The following C4orf51 variants were observed in gnomAD, a reference collection of about 807,000 sequenced individuals.
C4orf51 encodes the protein uncharacterized protein C4orf51.
Under a neutral mutation model 25.2 loss-of-function variants are expected in C4orf51, and 25 were observed. The observed-to-expected ratio is 0.99, with a 90% confidence interval of 0.72 to 1.39. The LOEUF is 1.39. C4orf51 is among the 40% of genes most tolerant of loss of function. The probability of loss-of-function intolerance (pLI) is 0.00; values close to 1 mark genes in which losing one functional copy is unlikely to be tolerated. For missense variants in C4orf51, 252 were observed against 239.6 expected, an observed-to-expected ratio of 1.05 and a Z score of -0.34; for synonymous variants, 100 against 84.5, an observed-to-expected ratio of 1.18 and a Z score of -1.01.
intron 1 of C4orf51, among the ~76,000 whole-genome samples, chr4:145,693,562 G>A (rs1431077596): frequency 4.0e-5 from 6 of 151,414 alleles, no homozygotes; most frequent in African/African-American, 1.5e-4. Flanking sequence ...CCTCCCAGAT[G>A]GGGTGGTGGC....
chr4:145,720,473 C>G (rs58720965), intron 2 of C4orf51, among the ~76,000 whole-genome samples: 6,658 of 152,254 alleles, frequency 0.044, 429 homozygotes, highest in African/African-American at 0.14. Context: ...TAAGACTCTC[C>G]TTCTGTGAGT....
chr4:145,766,548 G>C (rs1735326474), intron 1 of C4orf51, among the ~76,000 whole-genome samples: 1 of 152,224 alleles, frequency 6.6e-6, no homozygotes, highest in African/African-American at 2.4e-5. Context: ...CAGACTCCGA[G>C]TGGCGGATAC....
downstream of C4orf51, among the ~76,000 whole-genome samples, chr4:145,773,753 G>A (rs774603907): frequency 1.4e-4 from 22 of 152,216 alleles, no homozygotes; most frequent in Non-Finnish European, 2.9e-4. Flanking sequence ...ACAGTGATGG[G>A]TTTGTTTCAG....
chr4:145,680,644 A>G (rs1015481102), intron 1 of C4orf51, among the ~76,000 whole-genome samples: 8 of 152,212 alleles, frequency 5.3e-5, no homozygotes, highest in Admixed American at 2.6e-4. Context: ...TCCTAAAATT[A>G]CATATAACTA....
downstream of C4orf51, among the ~76,000 whole-genome samples, chr4:145,756,922 G>A (rs1426193518): frequency 2.0e-5 from 3 of 152,152 alleles, no homozygotes; most frequent in Admixed American, 1.3e-4. Flanking sequence ...ACAATTGCTT[G>A]AAATAAGCAA....
At chr4:145,755,381 A>C (rs948277275), downstream of C4orf51, among the ~76,000 whole-genome samples, 2 of 152,244 alleles carry the variant, frequency 1.3e-5, no homozygotes, top group South Asian at 2.1e-4. Flanking sequence ...TGAAGTGTGA[A>C]TTGAAGCAGA....
chr4:145,693,702 CGGACGGGGGGCT>C (rs1560824099), intron 1 of C4orf51, among the ~76,000 whole-genome samples: 1 of 76,704 alleles, frequency 1.3e-5, no homozygotes, highest in Non-Finnish European at 2.5e-5. Flanking sequence ...GGCGGCTGGC[CGGACGGGGGGCT>C]GACCCCCCCA....
At chr4:145,775,116 AC>A (rs1366633021), downstream of C4orf51, among the ~76,000 whole-genome samples, 1 of 152,094 alleles carries the variant, frequency 6.6e-6, no homozygotes, top group East Asian at 1.9e-4. Context: ...CAATGAAAGC[AC>A]CTACAGTTTG....
chr4:145,728,600 A>G (rs1732247515), intron 3 of C4orf51, among the ~76,000 whole-genome samples: 1 of 152,204 alleles, frequency 6.6e-6, no homozygotes, highest in South Asian at 2.1e-4. Context: ...TGATCAATAT[A>G]TAATTTTGTT....
intron 3 of C4orf51, among the ~76,000 whole-genome samples, chr4:145,728,786 T>G (rs1732256485): frequency 6.6e-6 from 1 of 152,224 alleles, no homozygotes; most frequent in Admixed American, 6.5e-5. Flanking sequence ...TATATTTCCT[T>G]TATCCATTTT....
chr4:145,787,973 G>A, the C4orf51 span, among the ~76,000 whole-genome samples: 2 of 152,148 alleles, frequency 1.3e-5, no homozygotes, highest in East Asian at 1.9e-4. Flanking sequence ...TTTCAAAGTT[G>A]CTGTTTTACA....
At chr4:145,719,008 G>A (rs985727405) in intron 2 of C4orf51, among the ~76,000 whole-genome samples, 1 of 152,138 alleles carries the variant, frequency 6.6e-6, no homozygotes, top group African/African-American at 2.4e-5. Context: ...CTTGATGCCT[G>A]CTTTGCTTTC....
At chr4:145,732,974 ACCGCCAGGTTTTCCT>A (rs1732570201), downstream of C4orf51, among the ~76,000 whole-genome samples, 1 of 152,120 alleles carries the variant, frequency 6.6e-6, no homozygotes, top group Non-Finnish European at 1.5e-5. Flanking sequence ...GGAGCCTTCC[ACCGCCAGGTTTTCCT>A]CCGCGCAAGG....
At chr4:145,704,295 A>T (rs934136459) in intron 2 of C4orf51, among the ~76,000 whole-genome samples, 2 of 152,206 alleles carry the variant, frequency 1.3e-5, no homozygotes, top group Non-Finnish European at 2.9e-5. Context: ...CCTCTCCTGG[A>T]TCTGGGAGAA....
intron 2 of C4orf51, among the ~76,000 whole-genome samples, chr4:145,697,527 C>T (rs1440523466): frequency 6.6e-6 from 1 of 152,186 alleles, no homozygotes; most frequent in African/African-American, 2.4e-5. Context: ...TTTATCTTAC[C>T]TCACACCTCC....
the C4orf51 span, among the ~76,000 whole-genome samples, chr4:145,776,484 G>C: frequency 6.8e-6 from 1 of 147,338 alleles, no homozygotes. Flanking sequence ...AAAAAAAAAA[G>C]TCCCAGGGCA....
intron 1 of C4orf51, chr4:145,760,736 T>G: frequency 7.1e-6 from 7 of 982,802 alleles, no homozygotes; most frequent in African/African-American, 1.8e-5. Context: ...TTTTTTTTTT[T>G]TGTCTTTTGT....
intron 1 of C4orf51, among the ~76,000 whole-genome samples, chr4:145,685,028 G>C (rs1197250538): frequency 6.6e-6 from 1 of 152,090 alleles, no homozygotes; most frequent in Non-Finnish European, 1.5e-5. Flanking sequence ...ACATACCTCT[G>C]TCAGTAACTG....
At chr4:145,703,278 A>AT (rs1325719611) in intron 2 of C4orf51, among the ~76,000 whole-genome samples, 11 of 151,780 alleles carry the variant, frequency 7.2e-5, no homozygotes, top group Admixed American at 1.3e-4. Flanking sequence ...CCTGGCTCAA[A>AT]AGCACCCCCA....
Sources: allele counts gnomAD v4.1 joint callset (sites outside exome capture counted in the v4.1 genomes callset), GRCh38; gene constraint gnomAD v4.1.1; transcripts MANE v1.5; gene names NCBI Gene and HGNC (gene_info 2026-07-23, HGNC 2026-07-21).